ARPP21: variants seen among roughly 807,000 people sequenced by gnomAD.
The protein encoded by ARPP21 is cAMP-regulated phosphoprotein 21.
A neutral mutation model predicts 113.2 loss-of-function variants in ARPP21; 69 were observed. That is an observed-to-expected ratio of 0.61 (90% CI 0.50 to 0.74). ARPP21 has a LOEUF of 0.74. Ranked by LOEUF, ARPP21 falls within the 30% of genes least tolerant of loss-of-function variation. The pLI is 0.00. For synonymous variants in ARPP21, 368 were observed against 375.5 expected (o/e 0.98, Z 0.23); for missense variants, 1,070 against 1,037.4 (o/e 1.03, Z -0.43).
At chr3:35,774,111 G>T (rs536671847) in intron 19 of ARPP21, among the ~76,000 whole-genome samples, 163 of 152,230 alleles carry the variant, frequency 1.1e-3, no homozygotes, top group Non-Finnish European at 2.0e-3. Context: ...TTACTGACTT[G>T]ATAACAGTTT....
At chr3:35,775,033 C>A (rs1282343349) in intron 19 of ARPP21, 1 of 152,024 alleles carries the variant, frequency 6.6e-6, no homozygotes, top group Non-Finnish European at 1.5e-5. Flanking sequence ...TAAAATATGT[C>A]AATTTAAATA....
intron 19 of ARPP21, among the ~76,000 whole-genome samples, chr3:35,750,590 AT>A (rs1489450705): frequency 6.6e-6 from 1 of 151,966 alleles, no homozygotes; most frequent in Non-Finnish European, 1.5e-5. Flanking sequence ...AGGTTGGTTT[AT>A]TTTGTTGTTC....
intron 19 of ARPP21, among the ~76,000 whole-genome samples, chr3:35,755,561 G>A (rs1408313507): frequency 6.6e-6 from 1 of 151,914 alleles, no homozygotes; most frequent in East Asian, 1.9e-4. Context: ...CATTATTCCA[G>A]AGACAGTCTC....
intron 1 of ARPP21, among the ~76,000 whole-genome samples, chr3:35,645,140 A>C (rs1699724824): frequency 6.6e-6 from 1 of 151,896 alleles, no homozygotes; most frequent in Non-Finnish European, 1.5e-5. Context: ...AAAGAAAATC[A>C]TTTCTTTTTA....
intron 14 of ARPP21, among the ~76,000 whole-genome samples, chr3:35,725,091 A>G (rs1212905725): frequency 6.6e-6 from 1 of 152,152 alleles, no homozygotes; most frequent in Non-Finnish European, 1.5e-5. Context: ...CTCTTCAAGC[A>G]CTGGGGTGAG....
At chr3:35,757,024 G>A (rs1559868122) in intron 19 of ARPP21, among the ~76,000 whole-genome samples, 2 of 150,862 alleles carry the variant, frequency 1.3e-5, no homozygotes, top group Admixed American at 6.6e-5. Context: ...CCAGTGGTGT[G>A]GTATTATGAT....
chr3:35,775,658 T>C (rs1196490809), intron 19 of ARPP21, among the ~76,000 whole-genome samples: 1 of 152,150 alleles, frequency 6.6e-6, no homozygotes, highest in Non-Finnish European at 1.5e-5. Context: ...GAAAGTTGGA[T>C]TGGATTTTAA....
rs1319555320 is a variant in ARPP21, at chr3:35,667,874, GAAGAAGAAGAA to G, written c.-212-11912_-212-11902del. ...AGAAGAAGAAGAAGAAGAAGAAGAA[GAAGAAGAAGAA>G]GAAGAGGAAGAGGAAGAGGAAGAGG... On this transcript the variant is annotated intron_variant, in intron 1 of 20. Transcript: ENST00000684406. Among the ~76,000 whole-genome samples, 477 of 135,754 alleles carry G rather than the reference GAAGAAGAAGAA, an allele frequency of 3.5e-3. 28 individuals carry two copies. The highest frequency in any genetic ancestry group is 0.013 in the African/African-American group (396 of 31,442). 89.1% of individuals were successfully genotyped at this position (135,754 alleles called of 152,430 possible).
chr3:35,782,767 T>A (rs1410909685), intron 19 of ARPP21, among the ~76,000 whole-genome samples: 1 of 152,164 alleles, frequency 6.6e-6, no homozygotes, highest in Non-Finnish European at 1.5e-5. Flanking sequence ...ATTCTTACAT[T>A]TATACCATGT....
rs368956855 is a variant in ARPP21 at position 35,739,370 on chromosome 3, G to C, written c.1803G>C (p.Ser601=). The part of the protein sequence containing the change: ...FGQMTLSRQS[S]GETPEPPSGP... ...AGATGACCCTGAGCCGGCAGTCCTC[G>C]GGGGAGACTCCTGAACCCCCATCAG... The change falls in exon 18 of 21, where the codon TCG becomes TCC. Residue 601 remains serine, a synonymous_variant. Coordinates refer to ENST00000684406, the MANE Select transcript of ARPP21 (RefSeq NM_001385562.1). 1.2e-6 allele frequency: 2 copies of C among 1,613,872 alleles called. No individual in the cohort carries two copies.
At chr3:35,774,144 C>T (rs2151577629) in intron 19 of ARPP21, among the ~76,000 whole-genome samples, 1 of 152,250 alleles carries the variant, frequency 6.6e-6, no homozygotes, top group African/African-American at 2.4e-5. Context: ...CTATCAGGTG[C>T]AGTGCTGTGC....
intron 19 of ARPP21, among the ~76,000 whole-genome samples, chr3:35,789,272 G>T (rs1377871970): frequency 6.6e-6 from 1 of 152,186 alleles, no homozygotes; most frequent in Non-Finnish European, 1.5e-5. Flanking sequence ...GGCACTGTCG[G>T]TTCATTCATA....
intron 15 of ARPP21, among the ~76,000 whole-genome samples, chr3:35,731,234 G>T (rs17703827): frequency 0.014 from 2,178 of 152,252 alleles, 22 homozygotes; most frequent in Non-Finnish European, 0.023. Flanking sequence ...TGACAGCATA[G>T]TTGTGCATGT....
intron 5 of ARPP21, among the ~76,000 whole-genome samples, chr3:35,686,696 T>A (rs1448234161): frequency 6.6e-6 from 1 of 151,630 alleles, no homozygotes; most frequent in South Asian, 2.1e-4. Context: ...TAAATTTTAA[T>A]GTCACTAGTG....
At chr3:35,736,809 T>G (rs1175680601) in intron 15 of ARPP21, among the ~76,000 whole-genome samples, 3 of 152,248 alleles carry the variant, frequency 2.0e-5, no homozygotes, top group Non-Finnish European at 2.9e-5. Context: ...TATCCTTCAG[T>G]GTATGTTATC....
At chr3:35,710,423 G>A (rs2090690064) in intron 11 of ARPP21, among the ~76,000 whole-genome samples, 1 of 152,084 alleles carries the variant, frequency 6.6e-6, no homozygotes. Flanking sequence ...GCCTACAGTG[G>A]CCTGGAAAGT....
intron 19 of ARPP21, among the ~76,000 whole-genome samples, chr3:35,776,616 T>C (rs923549723): frequency 6.6e-6 from 1 of 152,102 alleles, no homozygotes; most frequent in Non-Finnish European, 1.5e-5. Flanking sequence ...ATGTAGCCTG[T>C]TGTAGGAAGT....
intron 9 of ARPP21, among the ~76,000 whole-genome samples, chr3:35,692,613 A>G (rs1004679179): frequency 6.6e-6 from 1 of 151,666 alleles, no homozygotes; most frequent in Non-Finnish European, 1.5e-5. Context: ...CAATTTTGCA[A>G]TCACATAGTC....
intron 15 of ARPP21, among the ~76,000 whole-genome samples, chr3:35,736,287 A>T (rs2094345287): frequency 1.3e-5 from 2 of 152,046 alleles, no homozygotes; most frequent in Admixed American, 1.3e-4. Context: ...TCTCTCCTTT[A>T]TGCCCCCACA....
Sources: gnomAD v4.1 joint callset for allele counts (sites outside exome capture counted in the v4.1 genomes callset) on GRCh38, gnomAD v4.1.1 for gene constraint, MANE v1.5 for transcripts, NCBI Gene and HGNC (gene_info 2026-07-23, HGNC 2026-07-21) for gene names.